FNDC1: variants seen among roughly 807,000 people sequenced by gnomAD.
The protein encoded by FNDC1 is fibronectin type III domain containing 1.
A neutral mutation model predicts 168.0 loss-of-function variants in FNDC1; 96 were observed. The observed-to-expected ratio is 0.57, with a 90% CI of 0.48 to 0.68. FNDC1 has a LOEUF of 0.68. FNDC1 is among the 30% of genes least tolerant of loss of function. FNDC1 has a pLI of 0.00. For missense variants in FNDC1, 2,587 were observed against 2,482.1 expected (o/e 1.04, Z -0.90); for synonymous variants, 1,099 against 1,025.9 (o/e 1.07, Z -1.36).
Position 159,232,253 on chromosome 6 carries a change from A to G in FNDC1, c.1741A>G (p.Arg581Gly). 6.2e-7 allele frequency: 1 copy of G among 1,611,242 alleles called. No individual in the cohort carries two copies. The change falls in exon 11 of 23, where the codon AGG becomes GGG. Residue 581 changes from arginine (R) to glycine (G), a missense_variant. Physicochemically the swap from Arg to Gly is moderately radical, Grantham distance 125. Coordinates refer to ENST00000297267, the MANE Select transcript of FNDC1 (RefSeq NM_032532.3). The surrounding 1 kb of genome is among the most constrained non-coding windows in gnomAD (Gnocchi z 4.9). ...CGGCCACTCGGTGGTTGCTCCCGGC[A>G]GGACTGCAGTGAGGGCCCGGATGCC... Reference protein sequence around the residue: ...RHGHSVVAPGRTAVRARMPAL... With the variant: ...RHGHSVVAPGGTAVRARMPAL...
At chr6:159,256,924 T>C (rs902173676) in intron 18 of FNDC1, among the ~76,000 whole-genome samples, 13 of 152,216 alleles carry the variant, frequency 8.5e-5, no homozygotes, top group African/African-American at 3.1e-4. Flanking sequence ...AAAGAATCGG[T>C]CCATTTTTAG....
Position 159,261,174 on chromosome 6 carries a change from C to T in FNDC1, c.5175-16C>T, listed in dbSNP as rs294883. The T allele has an allele frequency of 0.71, 1,128,224 of 1,590,700 alleles. 402,731 individuals carry two copies. The highest frequency in any genetic ancestry group is 0.75 in the Middle Eastern group (4,494 of 6,016). ...AATACATGTCTCTTTCAAAATATAT[C>T]TTCTTCCAACTTCAGGTATTATTTT... On this transcript the variant is annotated splice_polypyrimidine_tract_variant and intron_variant, in intron 18 of 22. Coordinates refer to ENST00000297267, the MANE Select transcript of FNDC1 (RefSeq NM_032532.3).
At chr6:159,202,952 G>T (rs57701212) in intron 4 of FNDC1, among the ~76,000 whole-genome samples, 4,626 of 152,276 alleles carry the variant, frequency 0.03, 266 homozygotes, top group African/African-American at 0.11. Flanking sequence ...GGGTCTAGAA[G>T]TCCAAAGTCC....
rs377581874 is a variant in FNDC1, at chr6:159,261,052, C to A, written c.5175-138C>A. 2.9e-5 allele frequency: 18 copies of A among 616,280 alleles called. No homozygotes were observed. The South Asian group carries it at 3.5e-4, about 12-fold the overall frequency. The allele number at this position is 616,280 out of a possible 1,614,324, so 38.2% of individuals were successfully genotyped here. ...AAGTTCAGAAAAAGACATGAAGAAT[C>A]ACTAGTGCTGTATGCATTTGTAAAA... On this transcript the variant is annotated intron_variant, in intron 18 of 22. Transcript: ENST00000297267.
chr6:159,232,943 C>T lies in FNDC1; in HGVS notation c.2431C>T (p.Arg811Trp), dbSNP rs780519080. The T allele has an allele frequency of 6.2e-6, 10 of 1,610,074 alleles. No homozygotes were observed. Among genetic ancestry groups the T allele is most frequent in the Admixed American group, 3.3e-5 (2 of 59,798 alleles). Reference sequence around the variant, plus strand: ...GGCCACGGCCCAGACGCTGCGGGCCCGGCCTGCCTCTGGACACTTCCATTT... The same window carrying T: ...GGCCACGGCCCAGACGCTGCGGGCCTGGCCTGCCTCTGGACACTTCCATTT... ...AEATAQTLRARPASGHFHLLR... is the reference protein window; with the variant it reads ...AEATAQTLRAWPASGHFHLLR... The change falls in exon 11 of 23, where the codon CGG becomes TGG. Residue 811 changes from arginine to tryptophan, a missense_variant. Arg to Trp is a moderately radical substitution (Grantham distance 101). Coordinates refer to ENST00000297267, the MANE Select transcript of FNDC1 (RefSeq NM_032532.3). This position sits in a 1 kb window ranked among gnomAD's most constrained non-coding sequence, Gnocchi z 4.9.
Position 159,233,451 on chromosome 6 carries a change from G to C in FNDC1, c.2939G>C (p.Arg980Pro). The C allele has an allele frequency of 6.2e-7, 1 of 1,608,944 alleles. No homozygotes were observed. Among genetic ancestry groups the C allele is most frequent in the Non-Finnish European group, 8.5e-7 (1 of 1,178,924 alleles). The change falls in exon 11 of 23, where the codon CGT (arginine) becomes CCT (proline). Residue 980 changes from arginine to proline, a missense_variant. By Grantham distance (103) the Arg-to-Pro change is moderately radical. Coordinates refer to ENST00000297267, the MANE Select transcript of FNDC1 (RefSeq NM_032532.3). The surrounding 1 kb of genome is among the most constrained non-coding windows in gnomAD (Gnocchi z 4.6). ...GSTDRHASPA[R>P]PPAARSQQHP... ...ACAGACCGCCACGCGTCCCCTGCTC[G>C]TCCGCCCGCAGCACGGTCACAGCAG...
At chr6:159,230,061 T>C (rs1783049510) in intron 10 of FNDC1, 58 bp downstream of exon 10, 2 of 1,497,774 alleles carry the variant, frequency 1.3e-6, no homozygotes, top group East Asian at 4.6e-5. Flanking sequence ...CTGTTTGTTT[T>C]GTGTTCCTTT....
At chr6:159,176,266 G>A (rs1781759136) in intron 1 of FNDC1, among the ~76,000 whole-genome samples, 1 of 150,464 alleles carries the variant, frequency 6.6e-6, no homozygotes, top group Non-Finnish European at 1.5e-5. Context: ...TTTGAAGGAG[G>A]TCCATTCATT....
intron 22 of FNDC1, among the ~76,000 whole-genome samples, chr6:159,269,307 TCCTATCTATTTATCTAA>T (rs1562315874): frequency 1.7e-5 from 2 of 119,708 alleles, no homozygotes; most frequent in East Asian, 2.2e-4. Context: ...CATCCATCTA[TCCTATCTATTTATCTAA>T]CTATCTATCT....
intron 9 of FNDC1, among the ~76,000 whole-genome samples, chr6:159,228,544 C>CT (rs151140978): frequency 0.36 from 53,716 of 150,878 alleles, 11,599 homozygotes; most frequent in East Asian, 0.73. Context: ...TTGGTTGAAA[C>CT]GTTTTTTTTT....
chr6:159,207,155 G>T (rs879398252), intron 4 of FNDC1, among the ~76,000 whole-genome samples: 1 of 152,196 alleles, frequency 6.6e-6, no homozygotes, highest in African/African-American at 2.4e-5. Context: ...GAGCTAGCTG[G>T]CCAGAAAAGA....
intron 19 of FNDC1, among the ~76,000 whole-genome samples, chr6:159,263,058 G>A (rs1224601889): frequency 6.6e-6 from 1 of 152,244 alleles, no homozygotes; most frequent in Non-Finnish European, 1.5e-5. Context: ...AACGTAGTGT[G>A]TGACACAGGC....
intron 1 of FNDC1, among the ~76,000 whole-genome samples, chr6:159,194,398 C>A (rs923214595): frequency 6.6e-6 from 1 of 152,180 alleles, no homozygotes; most frequent in African/African-American, 2.4e-5. Flanking sequence ...CCTATATCAT[C>A]TTCATTAGAT....
intron 18 of FNDC1, among the ~76,000 whole-genome samples, chr6:159,257,152 C>T (rs1223183909): frequency 6.6e-6 from 1 of 152,194 alleles, no homozygotes. Context: ...GTTTATTGCC[C>T]TTGGCATGAA....
In FNDC1 at chr6:159,239,755, CCGCCG is replaced by C. The variant is rs778556903; in HGVS notation, c.4421_4425del (p.Arg1474HisfsTer48). 1,053 of 31,936 alleles carry C rather than the reference CCGCCG, an allele frequency of 0.033. 2 individuals carry two copies. The highest frequency in any genetic ancestry group is 0.076 in the African/African-American group (469 of 6,182). 2.0% of individuals were successfully genotyped at this position (31,936 alleles called of 1,614,324 possible). On this transcript the variant is annotated frameshift_variant, in exon 14 of 23. Coordinates refer to ENST00000297267, the MANE Select transcript of FNDC1 (RefSeq NM_032532.3). LOFTEE classifies it high-confidence loss of function. The stretch of plus-strand genomic sequence containing the variant: ...CCCCGAGGCCCACCACTGCCACCAC[CCGCCG>C]CACGACCACCACCCGCCGCACGACC...
At chr6:159,208,113 G>C (rs1782526970) in intron 4 of FNDC1, among the ~76,000 whole-genome samples, 1 of 152,198 alleles carries the variant, frequency 6.6e-6, no homozygotes, top group Admixed American at 6.5e-5. Flanking sequence ...CAATAACGGA[G>C]GAAACTTTCA....
chr6:159,251,035 G>C (rs1228421269), intron 16 of FNDC1, among the ~76,000 whole-genome samples: 1 of 152,178 alleles, frequency 6.6e-6, no homozygotes, highest in Non-Finnish European at 1.5e-5. Flanking sequence ...ATAGTTTCAT[G>C]ATCTCTCAAA....
intron 4 of FNDC1, among the ~76,000 whole-genome samples, chr6:159,214,312 G>A (rs1782667030): frequency 2.6e-5 from 4 of 152,188 alleles, no homozygotes; most frequent in Admixed American, 6.5e-5. Flanking sequence ...GGCATTTCTT[G>A]AGATTAACTG....
intron 17 of FNDC1, among the ~76,000 whole-genome samples, chr6:159,252,334 C>T (rs1777285112): frequency 6.6e-6 from 1 of 152,090 alleles, no homozygotes; most frequent in Non-Finnish European, 1.5e-5. Flanking sequence ...ACATTCTCTG[C>T]CATTATTGTG....
Sources: allele counts gnomAD v4.1 joint callset (sites outside exome capture counted in the v4.1 genomes callset), GRCh38; gene constraint gnomAD v4.1.1; non-coding constraint Gnocchi (gnomAD v3.1); transcripts MANE v1.5; gene names NCBI Gene and HGNC (gene_info 2026-07-23, HGNC 2026-07-21).